PPFIA3: variants seen among roughly 807,000 people sequenced by gnomAD.
PPFIA3 encodes the protein PPFI scaffold protein A3.
In PPFIA3, 26 loss-of-function variants were observed where a neutral mutation model predicts 145.8. The ratio of observed to expected loss-of-function variants is 0.18; its 90% confidence interval spans 0.13 to 0.25. The LOEUF (loss-of-function observed/expected upper bound fraction) is 0.25, where lower values mean the gene tolerates loss of function less well. Among genes scored for constraint, PPFIA3 ranks in the 10% least tolerant of loss-of-function variants. The probability of loss-of-function intolerance (pLI) is 1.00; values close to 1 mark genes in which losing one functional copy is unlikely to be tolerated. For synonymous variants in PPFIA3, 645 were observed against 661.4 expected (o/e 0.98, Z 0.38); for missense variants, 1,008 against 1,587.8 (o/e 0.63, Z 6.21).
Position 49,140,625 on chromosome 19 carries a change from A to G in PPFIA3, c.2368+537A>G, listed in dbSNP as rs570214993. Among the ~76,000 whole-genome samples the G allele has an allele frequency of 3.8e-4, 50 of 130,162 alleles. 1 individual carries two copies. The South Asian group carries it at 0.012, about 32-fold the overall frequency. The allele number at this position is 130,162 out of a possible 152,430, so 85.4% of individuals were successfully genotyped here. On this transcript the variant is annotated intron_variant, in intron 18 of 29. Coordinates refer to ENST00000334186, the MANE Select transcript of PPFIA3 (RefSeq NM_003660.4). ...CTCGGCCTCCCAAAGTGCTGGGATT[A>G]CAGACTCATTTACCTTTTTTTTTTT...
chr19:49,132,764 C>T (rs2122570119), intron 7 of PPFIA3, among the ~76,000 whole-genome samples: 1 of 152,250 alleles, frequency 6.6e-6, no homozygotes, highest in East Asian at 1.9e-4. Flanking sequence ...ATCCTCTGAA[C>T]CTGGAGGATC....
chr19:49,119,983 A>G (rs867132242), intron 1 of PPFIA3, among the ~76,000 whole-genome samples: 4 of 150,358 alleles, frequency 2.7e-5, no homozygotes, highest in African/African-American at 9.8e-5. Flanking sequence ...CGGCCCCGGG[A>G]CCCCTCCTAG....
Position 49,130,189 on chromosome 19 carries a change from A to T in PPFIA3, c.657+122A>T. The T allele has an allele frequency of 8.2e-7, 1 of 1,221,998 alleles. No individual in the cohort carries two copies. The highest frequency in any genetic ancestry group is 1.1e-6 in the Non-Finnish European group (1 of 883,886). 75.7% of individuals were successfully genotyped at this position (1,221,998 alleles called of 1,614,324 possible). A position where few individuals can be genotyped will look rare whatever the true frequency, so the allele number is the denominator to read the frequency against. ...ACGGCTGCACCTGTAAGAGTGTCAC[A>T]GAGCTTGGACCTCTGATTCAGGTCA... On this transcript the variant is annotated intron_variant, in intron 6 of 29. Transcript: ENST00000334186. This position sits in a 1 kb window ranked among gnomAD's most constrained non-coding sequence, Gnocchi z 4.5.
Position 49,126,560 on chromosome 19 carries a change from C to CTTTTTTT in PPFIA3, c.-15-1285_-15-1279dup, listed in dbSNP as rs762895281. Among the ~76,000 whole-genome samples, 18 of 118,802 alleles carry CTTTTTTT rather than the reference C, an allele frequency of 1.5e-4. 1 individual carries two copies. Among genetic ancestry groups the CTTTTTTT allele is most frequent in the African/African-American group, 2.0e-4 (6 of 30,422 alleles). The allele number at this position is 118,802 out of a possible 152,430, so 77.9% of individuals were successfully genotyped here. A position where few individuals can be genotyped will look rare whatever the true frequency, so the allele number is the denominator to read the frequency against. On this transcript the variant is annotated intron_variant, in intron 1 of 29. Coordinates refer to ENST00000334186, the MANE Select transcript of PPFIA3 (RefSeq NM_003660.4). ...GCCACTGCGCCCAGTCCTGGCCTTGCTTTTTTTTTTTTTTTTTTTTCTTTT... is the reference window on the plus strand; with the variant it reads ...GCCACTGCGCCCAGTCCTGGCCTTGCTTTTTTTTTTTTTTTTTTTTTTTTTTTCTTTT...
At chr19:49,139,549 G>A (rs969964288) in intron 16 of PPFIA3, 119 bp from the exon 17 acceptor site, 9 of 972,218 alleles carry the variant, frequency 9.3e-6, no homozygotes, top group East Asian at 5.3e-5. Context: ...GACTACCTTC[G>A]TATACTGTGT....
rs2041029044 is a variant in PPFIA3 at position 49,128,348 on chromosome 19, C to G, written c.241-19C>G. On this transcript the variant is annotated intron_variant, in intron 2 of 29. Coordinates refer to ENST00000334186, the MANE Select transcript of PPFIA3 (RefSeq NM_003660.4). The surrounding 1 kb of genome is among the most constrained non-coding windows in gnomAD (Gnocchi z 4.1). ...AAAGGATTGAGCCGAATGTCCAGATCCTGCCAATGTCTGGACAGGAGTTTG... is the reference window on the plus strand; with the variant it reads ...AAAGGATTGAGCCGAATGTCCAGATGCTGCCAATGTCTGGACAGGAGTTTG... 6.2e-7 allele frequency: 1 copy of G among 1,611,298 alleles called. No homozygotes were observed. Among genetic ancestry groups the G allele is most frequent in the African/African-American group, 1.3e-5 (1 of 74,982 alleles).
rs778991644 is a variant in PPFIA3, at chr19:49,148,839, G to C, written c.3109+76G>C. 3.8e-4 allele frequency: 579 copies of C among 1,537,680 alleles called. 12 individuals carry two copies. The Middle Eastern group carries it at 4.4e-3, about 12-fold the overall frequency. On this transcript the variant is annotated intron_variant, in intron 25 of 29. Transcript: ENST00000334186. ...TGGATGGGGAGGAGAGGGGGTAGGGGGAGACCGGAGAAGCAAATTGGCACC... is the reference window on the plus strand; with the variant it reads ...TGGATGGGGAGGAGAGGGGGTAGGGCGAGACCGGAGAAGCAAATTGGCACC...
rs2041105910 is a variant in PPFIA3 at position 49,133,918 on chromosome 19, A to T, written c.1245+39A>T. The T allele has an allele frequency of 1.9e-6, 3 of 1,607,292 alleles. No homozygotes were observed. The highest frequency in any genetic ancestry group is 2.5e-6 in the Non-Finnish European group (3 of 1,177,370). On this transcript the variant is annotated intron_variant, in intron 10 of 29. Transcript: ENST00000334186. The surrounding 1 kb of genome is among the most constrained non-coding windows in gnomAD (Gnocchi z 7.2). ...AGACTGCACAGAGGGTGGGGCTTCG[A>T]GGCTGGGGCGGAGCTTAATAAGGAG...
intron 15 of PPFIA3, 170 bp downstream of exon 15, chr19:49,137,081 A>T: frequency 1.7e-6 from 1 of 581,050 alleles, no homozygotes; most frequent in Non-Finnish European, 2.8e-6. Context: ...GGATACACTC[A>T]GAAGTCTTCT....
At position 49,121,928 on chromosome 19, in the gene PPFIA3, G is replaced by A. The variant is rs377743214; in HGVS notation, c.-16+2206G>A. On this transcript the variant is annotated intron_variant, in intron 1 of 29. Transcript: ENST00000334186. Reference sequence around the variant, plus strand: ...CTGGGATTACAGGCATGGCCATCGCGCCTGGCCGGGCCACATTTCTTGTCG... The same window carrying A: ...CTGGGATTACAGGCATGGCCATCGCACCTGGCCGGGCCACATTTCTTGTCG... Among the ~76,000 whole-genome samples the A allele has an allele frequency of 2.1e-3, 323 of 151,530 alleles. 2 individuals are homozygous for A. The highest frequency in any genetic ancestry group is 7.0e-3 in the African/African-American group (291 of 41,374).
chr19:49,146,222 A>G (rs754944704), intron 23 of PPFIA3, 30 bp downstream of exon 23: 41 of 1,611,432 alleles, frequency 2.5e-5, no homozygotes, highest in Non-Finnish European at 3.5e-5. Flanking sequence ...GCGTGAGCGC[A>G]TGAACAGGCT....
chr19:49,131,583 A>T (rs2041073408), intron 7 of PPFIA3, among the ~76,000 whole-genome samples: 1 of 151,900 alleles, frequency 6.6e-6, no homozygotes, highest in Admixed American at 6.6e-5. Context: ...GTGGACCTGG[A>T]TTCTTGAAGG....
Position 49,128,859 on chromosome 19 carries a change from A to T in PPFIA3, c.354A>T (p.Glu118Asp). The change falls in exon 4 of 30, where the codon GAA becomes GAT. Residue 118 changes from glutamate (E) to aspartate (D), a missense_variant. Coordinates refer to ENST00000334186, the MANE Select transcript of PPFIA3 (RefSeq NM_003660.4). This position sits in a 1 kb window ranked among gnomAD's most constrained non-coding sequence, Gnocchi z 4.1. Reference protein sequence around the residue: ...AERNNTRLLLEHLECLVSRHE... With the variant: ...AERNNTRLLLDHLECLVSRHE... ...CCGTGTGCTTGCAGCTGCTCCTGGA[A>T]CACCTGGAGTGCCTGGTGTCCAGGC... 1 of 1,597,442 alleles carries T rather than the reference A, an allele frequency of 6.3e-7. No individual in the cohort carries two copies. The highest frequency in any genetic ancestry group is 8.5e-7 in the Non-Finnish European group (1 of 1,172,096).
rs1216662806 is a variant in PPFIA3, at chr19:49,127,882, C to T, written c.9C>T (p.Cys3=). Residue 3 remains cysteine, a synonymous_variant, in exon 2 of 30, where the codon TGC becomes TGT. Transcript: ENST00000334186. MM[C]EVMPTISEDG... Reference sequence around the variant, plus strand: ...AGGCCCGCACCGCCGCCATGATGTGCGAGGTGATGCCCACCATCAGCGAGG... The same window carrying T: ...AGGCCCGCACCGCCGCCATGATGTGTGAGGTGATGCCCACCATCAGCGAGG... 5 of 1,592,940 alleles carry T rather than the reference C, an allele frequency of 3.1e-6. No homozygotes were observed. Among genetic ancestry groups the T allele is most frequent in the Non-Finnish European group, 4.2e-6 (5 of 1,177,908 alleles).
rs1035494827 is a variant in PPFIA3, at chr19:49,141,588, ATGTG to A, written c.2462+81_2462+84del. 340 of 1,066,436 alleles carry A rather than the reference ATGTG, an allele frequency of 3.2e-4. 1 individual carries two copies. Among genetic ancestry groups the A allele is most frequent in the Non-Finnish European group, 4.1e-4 (308 of 743,434 alleles). The allele number at this position is 1,066,436 out of a possible 1,614,324, so 66.1% of individuals were successfully genotyped here. ...TGTGTGAGGGTGTGTGTGTGCGTGT[ATGTG>A]TGTGTATGAGTGTGTGTGTGTGTGA... On this transcript the variant is annotated intron_variant, in intron 19 of 29. Transcript: ENST00000334186.
intron 1 of PPFIA3, among the ~76,000 whole-genome samples, chr19:49,127,636 G>A (rs1161146469): frequency 6.6e-6 from 1 of 151,970 alleles, no homozygotes; most frequent in African/African-American, 2.4e-5. Context: ...AGTTTCCCCT[G>A]GCAGCACCTG....
rs1600329441 is a variant in PPFIA3 at position 49,129,877 on chromosome 19, C to T, written c.583-116C>T. 6.5e-6 allele frequency: 7 copies of T among 1,079,706 alleles called. No individual in the cohort carries two copies. The Admixed American group carries it at 6.6e-5, about 10-fold the overall frequency. 66.9% of individuals were successfully genotyped at this position (1,079,706 alleles called of 1,614,324 possible). A position where few individuals can be genotyped will look rare whatever the true frequency, so the allele number is the denominator to read the frequency against. On this transcript the variant is annotated intron_variant, in intron 5 of 29. Transcript: ENST00000334186. ...CCGTGGGGTAGGCATGGCCCCAGCA[C>T]GACCGGAGGCATCTCATATGGGGCC...
intron 23 of PPFIA3, 107 bp from the exon 24 acceptor site, chr19:49,147,976 T>C: frequency 8.5e-7 from 1 of 1,176,274 alleles, no homozygotes; most frequent in East Asian, 2.4e-5. Flanking sequence ...TGTCCTACCA[T>C]GGGGTGGGAA....
At chr19:49,145,129 C>T (rs1382322529) in intron 21 of PPFIA3, among the ~76,000 whole-genome samples, 1 of 151,962 alleles carries the variant, frequency 6.6e-6, no homozygotes, top group Non-Finnish European at 1.5e-5. Flanking sequence ...TAGGGTTTCA[C>T]CAACGTTGGC....
Sources: gnomAD v4.1 joint callset for allele counts (sites outside exome capture counted in the v4.1 genomes callset) on GRCh38, gnomAD v4.1.1 for gene constraint, Gnocchi (gnomAD v3.1) non-coding constraint, MANE v1.5 for transcripts, NCBI Gene and HGNC (gene_info 2026-07-23, HGNC 2026-07-21) for gene names.